The following EHMT1 variants were observed in gnomAD, a reference collection of about 807,000 sequenced individuals.
The protein encoded by EHMT1 is histone-lysine N-methyltransferase EHMT1.
A neutral mutation model predicts 147.2 loss-of-function variants in EHMT1; 15 were observed. The observed-to-expected ratio is 0.10, with a 90% CI of 0.07 to 0.16. The LOEUF (loss-of-function observed/expected upper bound fraction) is 0.16. Ranked by LOEUF, EHMT1 falls within the 10% of genes least tolerant of loss-of-function variation. The probability of loss-of-function intolerance (pLI) is 1.00; values close to 1 mark genes in which losing one functional copy is unlikely to be tolerated. For missense variants in EHMT1, 1,587 were observed against 1,772.4 expected (o/e 0.90, Z 1.88); for synonymous variants, 795 against 709.6 (o/e 1.12, Z -1.91).
chr9:137,729,178 AGCCCTCGTGAATGCTGGGAGGTCAGCCG>A (rs888535548), intron 4 of EHMT1, among the ~76,000 whole-genome samples: 1 of 152,128 alleles, frequency 6.6e-6, no homozygotes, highest in Admixed American at 6.5e-5. Flanking sequence ...CCTTCCTGCC[AGCCCTCGTGAATGCTGGGAGGTCAGCCG>A]GCCCTCGTGA....
intron 25 of EHMT1, among the ~76,000 whole-genome samples, chr9:137,829,817 A>ACTC (rs1348039421): frequency 6.6e-6 from 1 of 152,150 alleles, no homozygotes; most frequent in African/African-American, 2.4e-5. Context: ...GTTTGGCGAC[A>ACTC]CTCACACCGG....
At chr9:137,712,915 T>C (rs1477455651) in intron 2 of EHMT1, among the ~76,000 whole-genome samples, 1 of 152,210 alleles carries the variant, frequency 6.6e-6, no homozygotes, top group African/African-American at 2.4e-5. Context: ...TTTATCTCTT[T>C]TATTTAGGTT....
intron 3 of EHMT1, among the ~76,000 whole-genome samples, chr9:137,719,532 G>A (rs1042964400): frequency 3.3e-5 from 5 of 152,154 alleles, no homozygotes; most frequent in Non-Finnish European, 5.9e-5. Context: ...GGCCTGACCC[G>A]ACCTCAACCT....
At chr9:137,716,500 GT>G in intron 2 of EHMT1, 125 bp from the exon 3 acceptor site, 13 of 455,202 alleles carry the variant, frequency 2.9e-5, no homozygotes, top group Middle Eastern at 6.3e-4. Flanking sequence ...GGGGGAGGAA[GT>G]TGTGGTGGTG....
chr9:137,672,320 T>G (rs1940764883), intron 1 of EHMT1, among the ~76,000 whole-genome samples: 1 of 150,002 alleles, frequency 6.7e-6, no homozygotes, highest in Non-Finnish European at 1.5e-5. Context: ...TAAAACTAAC[T>G]TGATGCCATT....
rs1193385338 is a variant in EHMT1, at chr9:137,776,501, A to G, written c.1792-117A>G. The G allele has an allele frequency of 3.0e-6, 3 of 1,000,814 alleles. No homozygotes were observed. The highest frequency in any genetic ancestry group is 1.4e-5 in the South Asian group (1 of 72,714). 62.0% of individuals were successfully genotyped at this position (1,000,814 alleles called of 1,614,324 possible). ...CCAAGACTGGACCCCACCCCGACCC[A>G]TGGCTCACTCTGCAGACCGCCCGAT... is the stretch of plus-strand genomic sequence containing the variant. On this transcript the variant is annotated intron_variant, in intron 11 of 26. Coordinates refer to ENST00000460843, the MANE Select transcript of EHMT1 (RefSeq NM_024757.5). This position sits in a 1 kb window ranked among gnomAD's most constrained non-coding sequence, Gnocchi z 4.4.
chr9:137,664,238 A>G (rs898535027), intron 1 of EHMT1, among the ~76,000 whole-genome samples: 1 of 151,530 alleles, frequency 6.6e-6, no homozygotes, highest in African/African-American at 2.4e-5. Flanking sequence ...ACTATTGCCA[A>G]GTTGCCCCCA....
chr9:137,722,036 A>C (rs1588369529), intron 3 of EHMT1, among the ~76,000 whole-genome samples: 1 of 151,100 alleles, frequency 6.6e-6, no homozygotes, highest in East Asian at 1.9e-4. Flanking sequence ...TTTTGAGTTA[A>C]TGTTTGTATA....
At chr9:137,669,195 G>A (rs1940104973) in intron 1 of EHMT1, among the ~76,000 whole-genome samples, 1 of 152,050 alleles carries the variant, frequency 6.6e-6, no homozygotes, top group African/African-American at 2.4e-5. Flanking sequence ...CCTAGAAGTA[G>A]GTTCTTGATG....
rs1464362097 is a variant in EHMT1 at position 137,652,611 on chromosome 9, C to G, written c.21+33562C>G. ...ATGTTAGCTAGGCTGGTCTTGAACT[C>G]CTGACCTCAGGTGATCCACTCACCT... On this transcript the variant is annotated intron_variant, in intron 1 of 26. Transcript: ENST00000460843. Among the ~76,000 whole-genome samples, 5 of 150,500 alleles carry G rather than the reference C, an allele frequency of 3.3e-5. No individual in the cohort carries two copies. The East Asian group carries it at 9.9e-4, about 30-fold the overall frequency.
rs1008810896 is a variant in EHMT1, at chr9:137,633,318, C to CT, written c.21+14282dup. On this transcript the variant is annotated intron_variant, in intron 1 of 26. Transcript: ENST00000460843. ...ACAAAGATCAAAATATAATTGACTACTTTTTTTTTTTTTGTAATACAGATC... is the reference window on the plus strand; with the variant it reads ...ACAAAGATCAAAATATAATTGACTACTTTTTTTTTTTTTTGTAATACAGATC... Among the ~76,000 whole-genome samples the CT allele has an allele frequency of 3.7e-3, 538 of 145,192 alleles. 4 individuals carry two copies. The highest frequency in any genetic ancestry group is 0.014 in the East Asian group (70 of 5,012).
intron 15 of EHMT1, chr9:137,784,439 T>C: frequency 8.5e-7 from 1 of 1,176,058 alleles, no homozygotes; most frequent in Non-Finnish European, 1.1e-6. Flanking sequence ...TTCGTGCATC[T>C]TTTGAATTGG....
intron 3 of EHMT1, among the ~76,000 whole-genome samples, chr9:137,720,229 G>A (rs1478067556): frequency 6.6e-6 from 1 of 152,062 alleles, no homozygotes; most frequent in Non-Finnish European, 1.5e-5. Flanking sequence ...GGTCCCTGAC[G>A]TCACCCTGTG....
intron 3 of EHMT1, among the ~76,000 whole-genome samples, chr9:137,720,890 G>C (rs1353745976): frequency 6.6e-6 from 1 of 152,070 alleles, no homozygotes; most frequent in Admixed American, 6.5e-5. Context: ...TAATCACTGG[G>C]TTCTATGGCC....
At chr9:137,793,784 G>T (rs1013230223) in intron 16 of EHMT1, among the ~76,000 whole-genome samples, 3 of 152,182 alleles carry the variant, frequency 2.0e-5, no homozygotes, top group Non-Finnish European at 4.4e-5. Context: ...AAAGAAGCCA[G>T]GCACAAGGAC....
At chr9:137,814,999 C>G (rs74499730) in intron 22 of EHMT1, among the ~76,000 whole-genome samples, 2,315 of 151,752 alleles carry the variant, frequency 0.015, 25 homozygotes, top group Admixed American at 0.027. Flanking sequence ...GAGGAGGAGA[C>G]GGGAGTGGGG....
intron 18 of EHMT1, among the ~76,000 whole-genome samples, chr9:137,801,344 T>C (rs2137395417): frequency 6.6e-6 from 1 of 152,320 alleles, no homozygotes; most frequent in African/African-American, 2.4e-5. Flanking sequence ...CTTTTATGGA[T>C]GGAGTCTCGC....
At chr9:137,710,750 A>C (rs11791658) in intron 1 of EHMT1, among the ~76,000 whole-genome samples, 1 of 152,016 alleles carries the variant, frequency 6.6e-6, no homozygotes, top group Admixed American at 6.5e-5. Context: ...ACTGTCTTCA[A>C]AAATAGAAAT....
At chr9:137,803,653 G>A (rs1280166388) in intron 18 of EHMT1, among the ~76,000 whole-genome samples, 2 of 152,012 alleles carry the variant, frequency 1.3e-5, no homozygotes, top group African/African-American at 2.4e-5. Context: ...GAGTAGAATG[G>A]TTAGAACATA....
Sources: allele counts gnomAD v4.1 joint callset (sites outside exome capture counted in the v4.1 genomes callset), GRCh38; gene constraint gnomAD v4.1.1; non-coding constraint Gnocchi (gnomAD v3.1); transcripts MANE v1.5; gene names NCBI Gene and HGNC (gene_info 2026-07-23, HGNC 2026-07-21).